The following RORA variants were observed in gnomAD, a reference collection of about 807,000 sequenced individuals.
RORA encodes the protein nuclear receptor ROR-alpha.
In RORA, 7 loss-of-function variants were observed where a neutral mutation model predicts 69.5. The observed-to-expected ratio is 0.10, with a 90% CI of 0.06 to 0.19. The LOEUF is 0.19. RORA is among the 10% of genes least tolerant of loss of function. The probability of loss-of-function intolerance (pLI) is 1.00; values close to 1 mark genes in which losing one functional copy is unlikely to be tolerated. For missense variants in RORA, 457 were observed against 663.0 expected, an observed-to-expected ratio of 0.69 and a Z score of 3.41; for synonymous variants, 261 against 240.8, an observed-to-expected ratio of 1.08 and a Z score of -0.78.
At position 60,636,722 on chromosome 15, in the gene RORA, C is replaced by T. The variant is rs557270200; in HGVS notation, c.196+41935G>A. On this transcript the variant is annotated intron_variant, in intron 2 of 10. Transcript: ENST00000335670. ...TTAAAAGAAGCCTACAAAATATCAC[C>T]GCATCATATTATCTTATTAGCCAAA... Among the ~76,000 whole-genome samples, 126 of 152,106 alleles carry T rather than the reference C, an allele frequency of 8.3e-4. 1 individual carries two copies. Among genetic ancestry groups the T allele is most frequent in the Non-Finnish European group, 1.4e-3 (94 of 67,980 alleles).
chr15:60,505,527 A>G lies in RORA; in HGVS notation c.923T>C (p.Ile308Thr), dbSNP rs866466896. ...TCATACCTTGTTTTGATAGTTCTCA[A>G]TTTCTTCCTGTAAAAAGGTCTGCCA... ...ITWQTFLQEEIENYQNKQREV... is the reference protein window; with the variant it reads ...ITWQTFLQEETENYQNKQREV... Residue 308 changes from isoleucine (I) to threonine (T), a missense_variant, in exon 6 of 11, where the codon ATT (isoleucine) becomes ACT (threonine). Around this residue, in one of 3 missense-constraint regions of RORA, gnomAD observed 304 missense variants for 447.4 expected, o/e 0.68. Coordinates refer to ENST00000335670, the MANE Select transcript of RORA (RefSeq NM_134261.3). 1.2e-6 allele frequency: 2 copies of G among 1,613,828 alleles called. No individual in the cohort carries two copies. Among genetic ancestry groups the G allele is most frequent in the East Asian group, 2.2e-5 (1 of 44,876 alleles).
At chr15:61,208,080 G>T (rs2079957947) in intron 1 of RORA, among the ~76,000 whole-genome samples, 1 of 152,224 alleles carries the variant, frequency 6.6e-6, no homozygotes. Flanking sequence ...CTCTAAGAGA[G>T]ACCTGTTTTT....
intron 1 of RORA, among the ~76,000 whole-genome samples, chr15:61,175,683 C>T (rs2079623020): frequency 6.6e-6 from 1 of 151,944 alleles, no homozygotes; most frequent in African/African-American, 2.4e-5. Flanking sequence ...TGTCACTGCA[C>T]TCCAACCCGG....
intron 1 of RORA, among the ~76,000 whole-genome samples, chr15:61,197,932 T>C (rs2079860092): frequency 6.6e-6 from 1 of 152,088 alleles, no homozygotes; most frequent in Admixed American, 6.5e-5. Flanking sequence ...TGGTACTGCT[T>C]TGGCTGCTGC....
intron 1 of RORA, among the ~76,000 whole-genome samples, chr15:61,015,643 C>A (rs1468499305): frequency 6.6e-6 from 1 of 152,064 alleles, no homozygotes; most frequent in African/African-American, 2.4e-5. Context: ...GAAGTCTGTG[C>A]TATTATTATT....
At chr15:60,732,431 C>T (rs2071441212) in intron 1 of RORA, among the ~76,000 whole-genome samples, 1 of 152,188 alleles carries the variant, frequency 6.6e-6, no homozygotes, top group South Asian at 2.1e-4. Context: ...CTTCAGCAAA[C>T]AGCCAGTTCC....
rs182357817 is a variant in RORA at position 61,176,697 on chromosome 15, T to C, written c.166+52356A>G. Among the ~76,000 whole-genome samples, 10 of 152,232 alleles carry C rather than the reference T, an allele frequency of 6.6e-5. No individual in the cohort carries two copies. The East Asian group carries it at 1.9e-3, about 29-fold the overall frequency. On this transcript the variant is annotated intron_variant, in intron 1 of 10. Coordinates refer to ENST00000335670, the MANE Select transcript of RORA (RefSeq NM_134261.3). ...GGGCAAGCTGCAGTTTCTTCAACTA[T>C]AAAATGGGAAAATAATAACCCTTAC...
rs563627771 is a variant in RORA at position 61,162,072 on chromosome 15, G to A, written c.166+66981C>T. On this transcript the variant is annotated intron_variant, in intron 1 of 10. Transcript: ENST00000335670. ...TAAAAGTGAATATTTTATTGTTATT[G>A]TTTTCTATTCCAAAATAAGCATCTA... Among the ~76,000 whole-genome samples the A allele has an allele frequency of 1.4e-4, 22 of 152,216 alleles. No individual in the cohort carries two copies. In the South Asian group the frequency reaches 4.6e-3, roughly 32 times the overall value.
chr15:61,027,139 G>T (rs748740384), intron 1 of RORA, among the ~76,000 whole-genome samples: 1 of 152,206 alleles, frequency 6.6e-6, no homozygotes, highest in Non-Finnish European at 1.5e-5. Flanking sequence ...GCCCAGTGTG[G>T]GCGAGGGTCC....
chr15:60,619,540 A>G (rs1250474982), intron 2 of RORA, among the ~76,000 whole-genome samples: 1 of 152,198 alleles, frequency 6.6e-6, no homozygotes, highest in Non-Finnish European at 1.5e-5. Context: ...ATCATAACAT[A>G]TAAGTCAACT....
chr15:61,018,182 C>A (rs1213809368), intron 1 of RORA, among the ~76,000 whole-genome samples: 1 of 152,150 alleles, frequency 6.6e-6, no homozygotes, highest in Non-Finnish European at 1.5e-5. Flanking sequence ...TCGTAATTGT[C>A]CATAATCCAG....
chr15:61,034,849 T>C (rs1896375803), intron 1 of RORA, among the ~76,000 whole-genome samples: 1 of 150,382 alleles, frequency 6.6e-6, no homozygotes, highest in African/African-American at 2.4e-5. Context: ...TTGAAGAATT[T>C]TCTGAAGTTA....
At chr15:60,712,755 T>C (rs1341384752) in intron 1 of RORA, among the ~76,000 whole-genome samples, 1 of 152,206 alleles carries the variant, frequency 6.6e-6, no homozygotes, top group Admixed American at 6.5e-5. Flanking sequence ...TCAGCTTTTC[T>C]TTATTTCCCT....
intron 1 of RORA, among the ~76,000 whole-genome samples, chr15:60,918,723 G>A (rs1038051446): frequency 6.6e-6 from 1 of 152,132 alleles, no homozygotes; most frequent in African/African-American, 2.4e-5. Flanking sequence ...TAGTTGTGCA[G>A]GTTTGTCCTG....
At chr15:60,838,875 CACACACACACACAT>C (rs2073155993) in intron 1 of RORA, among the ~76,000 whole-genome samples, 8 of 76,164 alleles carry the variant, frequency 1.1e-4, no homozygotes, top group Non-Finnish European at 2.4e-4. Context: ...CACACACACA[CACACACACACACAT>C]ATACTTTTTT....
intron 1 of RORA, among the ~76,000 whole-genome samples, chr15:60,814,648 T>C (rs1177720386): frequency 6.6e-6 from 1 of 152,168 alleles, no homozygotes; most frequent in Non-Finnish European, 1.5e-5. Context: ...TTCAAACTCC[T>C]GCCATCAGAA....
intron 1 of RORA, among the ~76,000 whole-genome samples, chr15:60,968,243 G>A (rs1025900492): frequency 1.2e-4 from 19 of 152,320 alleles, no homozygotes; most frequent in African/African-American, 4.1e-4. Context: ...CTGCTGAGCT[G>A]ACTCTGGAAG....
intron 1 of RORA, among the ~76,000 whole-genome samples, chr15:61,192,225 C>T (rs2079807140): frequency 6.6e-6 from 1 of 152,244 alleles, no homozygotes; most frequent in African/African-American, 2.4e-5. Context: ...CTCATTTAGA[C>T]AGGCTGCTCT....
At chr15:60,629,187 C>CTTTTTTTTTTTTTTT (rs34687322) in intron 2 of RORA, among the ~76,000 whole-genome samples, 15 of 112,024 alleles carry the variant, frequency 1.3e-4, no homozygotes, top group South Asian at 3.0e-4. Flanking sequence ...ACTGTTTATT[C>CTTTTTTTTTTTTTTT]TTTTTTTTTT....
Sources: allele counts gnomAD v4.1 joint callset (sites outside exome capture counted in the v4.1 genomes callset), GRCh38; gene constraint gnomAD v4.1.1; regional missense constraint gnomAD v4.1.1; transcripts MANE v1.5; gene names NCBI Gene and HGNC (gene_info 2026-07-23, HGNC 2026-07-21).